Variants in PKP4 observed in about 807,000 individuals in gnomAD.
The protein encoded by PKP4 is plakophilin-4.
PKP4 carries 90 observed loss-of-function variants against 145.1 expected under a neutral mutation model. The ratio of observed to expected loss-of-function variants is 0.62; its 90% confidence interval spans 0.52 to 0.74. PKP4 has a LOEUF of 0.74. PKP4 is among the 30% of genes least tolerant of loss of function. The pLI is 0.00. For synonymous variants in PKP4, 563 were observed against 577.2 expected (o/e 0.98, Z 0.35); for missense variants, 1,340 against 1,482.7 (o/e 0.90, Z 1.58).
chr2:158,546,645 G>A (rs895485546), intron 2 of PKP4, among the ~76,000 whole-genome samples: 1 of 152,176 alleles, frequency 6.6e-6, no homozygotes, highest in South Asian at 2.1e-4. Context: ...CTCTCAGACA[G>A]TGCAGCTCAG....
chr2:158,655,403 A>G (rs2055810507), intron 11 of PKP4, among the ~76,000 whole-genome samples: 1 of 149,212 alleles, frequency 6.7e-6, no homozygotes, highest in Non-Finnish European at 1.5e-5. Flanking sequence ...AGAGACAGAA[A>G]CAACAAAAAA....
rs1175836940 is a variant in PKP4, at chr2:158,547,702, A to C, written c.132+14386A>C. 1.3e-5 allele frequency among the ~76,000 whole-genome samples: 2 copies of C among 152,228 alleles called. 1 individual carries two copies. The highest frequency in any genetic ancestry group is 2.9e-5 in the Non-Finnish European group (2 of 68,036). ...TAAAGTTGACTTTTTAAAACACATTAACATGTTTTTAAGAATCACAGTAAG... is the reference window on the plus strand; with the variant it reads ...TAAAGTTGACTTTTTAAAACACATTCACATGTTTTTAAGAATCACAGTAAG... On this transcript the variant is annotated intron_variant, in intron 2 of 21. Coordinates refer to ENST00000389759, the MANE Select transcript of PKP4 (RefSeq NM_003628.6).
At chr2:158,461,566 A>G (rs953249143) in intron 1 of PKP4, among the ~76,000 whole-genome samples, 1 of 151,208 alleles carries the variant, frequency 6.6e-6, no homozygotes, top group African/African-American at 2.4e-5. Flanking sequence ...TTTTTCCTGA[A>G]TGGAATAATG....
intron 1 of PKP4, among the ~76,000 whole-genome samples, chr2:158,468,270 T>C (rs1271993562): frequency 1.3e-5 from 2 of 152,202 alleles, no homozygotes; most frequent in East Asian, 3.8e-4. Flanking sequence ...TTTTGTAAGG[T>C]AGATTTATAG....
Position 158,676,841 on chromosome 2 carries a change from A to G in PKP4, c.3230A>G (p.Asp1077Gly), listed in dbSNP as rs1441123820. Reference protein sequence around the residue: ...PPMQYYNSQGDATHKGLYPGS... With the variant: ...PPMQYYNSQGGATHKGLYPGS... ...ATGCAGTATTACAATAGCCAAGGGG[A>G]TGCCACACATAAAGGCCTGTACCCT... Residue 1077 changes from aspartate (D) to glycine (G), a missense_variant, in exon 20 of 22, where the codon GAT becomes GGT. Asp to Gly is a moderately conservative substitution (Grantham distance 94). Transcript: ENST00000389759. 1 of 1,614,088 alleles carries G rather than the reference A, an allele frequency of 6.2e-7. No homozygotes were observed. Among genetic ancestry groups the G allele is most frequent in the African/African-American group, 1.3e-5 (1 of 75,028 alleles).
chr2:158,643,910 C>A (rs2054575059), intron 11 of PKP4, among the ~76,000 whole-genome samples: 1 of 152,034 alleles, frequency 6.6e-6, no homozygotes. Context: ...GGATTACACA[C>A]ACGCGCCACC....
chr2:158,518,678 T>A (rs2042118770), intron 1 of PKP4, among the ~76,000 whole-genome samples: 2 of 152,234 alleles, frequency 1.3e-5, no homozygotes, highest in African/African-American at 4.8e-5. Flanking sequence ...CAGAATTTCC[T>A]TTTATTCAGC....
chr2:158,528,200 C>G (rs1000359061), intron 1 of PKP4, among the ~76,000 whole-genome samples: 6 of 140,570 alleles, frequency 4.3e-5, no homozygotes, highest in Non-Finnish European at 8.1e-5. Flanking sequence ...ATGTTTATTG[C>G]GGCATTATTC....
At chr2:158,590,212 C>T (rs2049136356) in intron 3 of PKP4, among the ~76,000 whole-genome samples, 1 of 151,924 alleles carries the variant, frequency 6.6e-6, no homozygotes, top group Non-Finnish European at 1.5e-5. Context: ...CAGATTTTCA[C>T]AGCTAAAAAA....
At chr2:158,487,476 A>G (rs939243530) in intron 1 of PKP4, among the ~76,000 whole-genome samples, 3 of 152,228 alleles carry the variant, frequency 2.0e-5, no homozygotes, top group South Asian at 4.1e-4. Context: ...TTTCTGATGT[A>G]TAAAGAAAAG....
At chr2:158,523,671 A>G (rs1458801766) in intron 1 of PKP4, among the ~76,000 whole-genome samples, 2 of 134,922 alleles carry the variant, frequency 1.5e-5, no homozygotes, top group Admixed American at 7.8e-5. Context: ...GTTTCAGACG[A>G]TCAAATTACT....
At chr2:158,641,180 C>A (rs1574915052) in intron 10 of PKP4, among the ~76,000 whole-genome samples, 1 of 151,892 alleles carries the variant, frequency 6.6e-6, no homozygotes, top group Admixed American at 6.6e-5. Flanking sequence ...CTACTAAAAA[C>A]ACAAAAATTA....
At chr2:158,481,675 A>G (rs1300293042) in intron 1 of PKP4, among the ~76,000 whole-genome samples, 1 of 152,172 alleles carries the variant, frequency 6.6e-6, no homozygotes, top group African/African-American at 2.4e-5. Context: ...CTTCTTGACC[A>G]TTTGTATGTC....
At chr2:158,538,322 G>C (rs2044235345) in intron 2 of PKP4, among the ~76,000 whole-genome samples, 1 of 152,018 alleles carries the variant, frequency 6.6e-6, no homozygotes, top group African/African-American at 2.4e-5. Context: ...ATGATCTCTT[G>C]GTTTTAGAAA....
intron 1 of PKP4, among the ~76,000 whole-genome samples, chr2:158,490,434 A>G (rs74902339): frequency 0.2 from 29,863 of 152,058 alleles, 3,775 homozygotes; most frequent in Middle Eastern, 0.34. Context: ...TAAAAGATGC[A>G]TAAGTAAAGT....
intron 3 of PKP4, among the ~76,000 whole-genome samples, chr2:158,600,221 TAA>T (rs2050114217): frequency 6.6e-6 from 1 of 152,260 alleles, no homozygotes; most frequent in Non-Finnish European, 1.5e-5. Context: ...TCTAAATGAT[TAA>T]GTTATTAACG....
chr2:158,509,591 A>C (rs981378776), intron 1 of PKP4, among the ~76,000 whole-genome samples: 1 of 152,218 alleles, frequency 6.6e-6, no homozygotes, highest in Non-Finnish European at 1.5e-5. Context: ...TATAGCTCTG[A>C]TTTATAGGGT....
At chr2:158,663,165 TA>T (rs1341329117) in intron 14 of PKP4, 77 bp downstream of exon 14, 2 of 1,510,786 alleles carry the variant, frequency 1.3e-6, no homozygotes, top group Non-Finnish European at 1.8e-6. Flanking sequence ...GGCAAGAAAA[TA>T]AATTTTCTGC....
At chr2:158,579,457 AAAG>A (rs1281740691) in intron 3 of PKP4, among the ~76,000 whole-genome samples, 13 of 152,128 alleles carry the variant, frequency 8.5e-5, no homozygotes, top group Admixed American at 4.6e-4. Context: ...AAAAAAAAAA[AAAG>A]CATTGAATTA....
Sources: allele counts gnomAD v4.1 joint callset (sites outside exome capture counted in the v4.1 genomes callset), GRCh38; gene constraint gnomAD v4.1.1; transcripts MANE v1.5; gene names NCBI Gene and HGNC (gene_info 2026-07-23, HGNC 2026-07-21).